Variants in CFAP91 observed in about 807,000 individuals in gnomAD.
CFAP91 encodes cilia and flagella associated protein 91.
Under a neutral mutation model 95.9 loss-of-function variants are expected in CFAP91, and 85 were observed. The observed-to-expected ratio is 0.89, with a 90% CI of 0.74 to 1.06. The LOEUF (loss-of-function observed/expected upper bound fraction) is 1.06. Ranked by LOEUF, CFAP91 falls within the 50% of genes least tolerant of loss-of-function variation. The pLI, the probability that CFAP91 is intolerant of heterozygous loss-of-function variation, is 0.00. For synonymous variants in CFAP91, 335 were observed against 327.5 expected, an observed-to-expected ratio of 1.02 and a Z score of -0.25; for missense variants, 962 against 943.4, an observed-to-expected ratio of 1.02 and a Z score of -0.26.
chr3:119,708,727 C>A (rs921278736), intron 4 of CFAP91, 53 bp downstream of exon 4: 3 of 1,044,262 alleles, frequency 2.9e-6, no homozygotes, highest in Non-Finnish European at 4.3e-6. Context: ...TAGAGAACCT[C>A]TTTATGATAA....
intron 6 of CFAP91, among the ~76,000 whole-genome samples, chr3:119,719,920 T>C (rs1376217756): frequency 6.8e-6 from 1 of 147,546 alleles, no homozygotes; most frequent in African/African-American, 2.5e-5. Flanking sequence ...CTGGCCAACA[T>C]GGTGAAACCC....
intron 17 of CFAP91, among the ~76,000 whole-genome samples, chr3:119,764,698 G>T (rs1306730200): frequency 6.6e-6 from 1 of 152,132 alleles, no homozygotes; most frequent in Non-Finnish European, 1.5e-5. Flanking sequence ...TTGGTAGGTA[G>T]CTGTTGCCAG....
At chr3:119,729,892 T>C (rs1477444476) in intron 7 of CFAP91, among the ~76,000 whole-genome samples, 1 of 152,198 alleles carries the variant, frequency 6.6e-6, no homozygotes, top group Non-Finnish European at 1.5e-5. Flanking sequence ...CCTCCAGGAA[T>C]ACCACTCAAC....
chr3:119,707,821 A>G (rs1008485714), intron 3 of CFAP91, among the ~76,000 whole-genome samples: 4 of 151,238 alleles, frequency 2.6e-5, no homozygotes, highest in Non-Finnish European at 4.4e-5. Context: ...GCTTGGATCC[A>G]ACTTAGCAAC....
chr3:119,747,013 G>GAGCTAGA, intron 14 of CFAP91, 102 bp from the exon 15 acceptor site: 1 of 876,648 alleles, frequency 1.1e-6, no homozygotes, highest in Non-Finnish European at 1.7e-6. Flanking sequence ...CTTATTAAAT[G>GAGCTAGA]AAATATATGA....
chr3:119,722,872 GT>G (rs2107874312), intron 6 of CFAP91, among the ~76,000 whole-genome samples: 1 of 152,262 alleles, frequency 6.6e-6, no homozygotes, highest in Admixed American at 6.5e-5. Flanking sequence ...GGGATTTATG[GT>G]GAAAAGTATA....
intron 9 of CFAP91, 47 bp from the exon 10 acceptor site, chr3:119,733,317 A>G (rs373432349): frequency 6.3e-7 from 1 of 1,587,574 alleles, no homozygotes; most frequent in African/African-American, 1.4e-5. Context: ...CTTAAAAATA[A>G]TAAACGTAAG....
intron 5 of CFAP91, among the ~76,000 whole-genome samples, chr3:119,711,378 A>C (rs554226522): frequency 6.0e-4 from 92 of 152,320 alleles, no homozygotes; most frequent in African/African-American, 2.1e-3. Context: ...AGATCCCTAA[A>C]GAGCCTTCTG....
At chr3:119,754,183 A>G (rs1353119349) in intron 17 of CFAP91, among the ~76,000 whole-genome samples, 2 of 152,224 alleles carry the variant, frequency 1.3e-5, no homozygotes, top group African/African-American at 2.4e-5. Flanking sequence ...ATTAGAAACT[A>G]GAGGAAAGGT....
At chr3:119,736,918 T>G (rs961862855) in intron 10 of CFAP91, among the ~76,000 whole-genome samples, 3 of 151,786 alleles carry the variant, frequency 2.0e-5, no homozygotes, top group Non-Finnish European at 4.4e-5. Flanking sequence ...CTCACTGCAA[T>G]TTCTGCCTCC....
At position 119,707,482 on chromosome 3, in the gene CFAP91, G is replaced by A; in HGVS notation, c.280G>A (p.Asp94Asn). The A allele has an allele frequency of 1.9e-6, 3 of 1,598,262 alleles. No homozygotes were observed. Among genetic ancestry groups the A allele is most frequent in the Non-Finnish European group, 2.6e-6 (3 of 1,169,186 alleles). Residue 94 changes from aspartate (D) to asparagine (N), a missense_variant, in exon 3 of 18, where the codon GAT becomes AAT. By Grantham distance (23) the Asp-to-Asn change is conservative. Coordinates refer to ENST00000273390, the MANE Select transcript of CFAP91 (RefSeq NM_033364.4). Reference sequence around the variant, plus strand: ...ATATTCTCTATATTGGAGCAAGTCAGATCCTGTCCCACCATTTATCAGTCG... The same window carrying A: ...ATATTCTCTATATTGGAGCAAGTCAAATCCTGTCCCACCATTTATCAGTCG... ...PRYSLYWSKS[D>N]PVPPFISREW... is the part of the protein sequence containing the mutation.
chr3:119,709,598 C>A (rs973341222), intron 4 of CFAP91, among the ~76,000 whole-genome samples: 3 of 152,178 alleles, frequency 2.0e-5, no homozygotes, highest in Admixed American at 6.5e-5. Flanking sequence ...ATTAAGAATG[C>A]ACATTCATTG....
At chr3:119,760,693 G>A (rs1395140444) in intron 17 of CFAP91, among the ~76,000 whole-genome samples, 1 of 151,546 alleles carries the variant, frequency 6.6e-6, no homozygotes, top group Admixed American at 6.6e-5. Flanking sequence ...AACCACTGTG[G>A]TATATAAAAT....
At chr3:119,735,869 G>C (rs2053991726) in intron 10 of CFAP91, among the ~76,000 whole-genome samples, 2 of 152,048 alleles carry the variant, frequency 1.3e-5, no homozygotes, top group East Asian at 3.9e-4. Context: ...TTAAAAATAA[G>C]AACAACAATA....
intron 6 of CFAP91, among the ~76,000 whole-genome samples, chr3:119,721,361 C>T (rs192947984): frequency 6.6e-6 from 1 of 152,274 alleles, no homozygotes; most frequent in East Asian, 1.9e-4. Context: ...TCTACCACAG[C>T]CTGTAATAAA....
chr3:119,746,776 G>C (rs897384569), intron 14 of CFAP91, among the ~76,000 whole-genome samples: 2 of 152,168 alleles, frequency 1.3e-5, no homozygotes, highest in African/African-American at 2.4e-5. Flanking sequence ...TAGATAGTTT[G>C]ACCAAGTCAC....
In CFAP91 at chr3:119,751,017, T is replaced by G; in HGVS notation, c.2224T>G (p.Leu742Val). 1 of 1,613,852 alleles carries G rather than the reference T, an allele frequency of 6.2e-7. No individual in the cohort carries two copies. Residue 742 changes from leucine to valine, a missense_variant, in exon 17 of 18, where the codon TTA (leucine) becomes GTA (valine). Leu to Val is a conservative substitution (Grantham distance 32). Transcript: ENST00000273390. ...CACGGAAAGCATGGTTCAAAAGAAA[T>G]TAACTGAGGGAGAGCAAGATGAGGC... ...SYTESMVQKK[L>V]TEGEQDEASN... is the part of the protein sequence containing the mutation.
intron 14 of CFAP91, among the ~76,000 whole-genome samples, chr3:119,745,528 T>G (rs1396091871): frequency 1.3e-5 from 2 of 152,186 alleles, no homozygotes; most frequent in African/African-American, 4.8e-5. Context: ...CTCCAGAAAT[T>G]TACACATTTA....
At chr3:119,754,509 G>A (rs2054387691) in intron 17 of CFAP91, among the ~76,000 whole-genome samples, 1 of 152,260 alleles carries the variant, frequency 6.6e-6, no homozygotes, top group African/African-American at 2.4e-5. Context: ...CATTTGATAA[G>A]TGTATGGGAT....
Sources: allele counts gnomAD v4.1 joint callset (sites outside exome capture counted in the v4.1 genomes callset), GRCh38; gene constraint gnomAD v4.1.1; transcripts MANE v1.5; gene names NCBI Gene and HGNC (gene_info 2026-07-23, HGNC 2026-07-21).